Variants in SLC13A1 observed in about 807,000 individuals in gnomAD.
SLC13A1 encodes Na(+)/sulfate cotransporter.
In SLC13A1, 65 loss-of-function variants were observed where a neutral mutation model predicts 70.0. That is an observed-to-expected ratio of 0.93 (90% CI 0.76 to 1.14). The LOEUF is 1.14. Ranked by LOEUF, SLC13A1 falls within the 50% of genes most tolerant of loss-of-function variation. SLC13A1 has a pLI of 0.00. For synonymous variants in SLC13A1, 275 were observed against 250.5 expected (o/e 1.10, Z -0.92); for missense variants, 726 against 717.8 (o/e 1.01, Z -0.13).
At chr7:123,152,092 T>G (rs1163500153) in intron 6 of SLC13A1, among the ~76,000 whole-genome samples, 2 of 152,154 alleles carry the variant, frequency 1.3e-5, no homozygotes, top group African/African-American at 4.8e-5. Flanking sequence ...ATCTTTTGTC[T>G]TCTTGTGTTT....
chr7:123,191,632 CT>C (rs1795999591), intron 1 of SLC13A1, among the ~76,000 whole-genome samples: 1 of 152,116 alleles, frequency 6.6e-6, no homozygotes, highest in Admixed American at 6.6e-5. Context: ...TGTTTTCTGA[CT>C]TACTATAGGA....
intron 1 of SLC13A1, among the ~76,000 whole-genome samples, chr7:123,196,647 C>G (rs181471315): frequency 6.6e-6 from 1 of 152,094 alleles, no homozygotes; most frequent in Non-Finnish European, 1.5e-5. Context: ...CTTCAGTTCT[C>G]ATAAGCCTAT....
chr7:123,144,467 A>C lies in SLC13A1; in HGVS notation c.812+2692T>G, dbSNP rs896555330. Among the ~76,000 whole-genome samples the C allele has an allele frequency of 2.6e-5, 4 of 152,162 alleles. No homozygotes were observed. The South Asian group carries it at 8.3e-4, about 32-fold the overall frequency. On this transcript the variant is annotated intron_variant, in intron 7 of 14. Coordinates refer to ENST00000194130, the MANE Select transcript of SLC13A1 (RefSeq NM_022444.4). ...TTAAATTTTTATTTTACACAGGAAT[A>C]AACTGAGTCTTAGGGGGCTAAGTGG...
rs1005157116 is a variant in SLC13A1 at position 123,154,687 on chromosome 7, T to C, written c.661-7377A>G. Among the ~76,000 whole-genome samples the C allele has an allele frequency of 1.1e-4, 17 of 152,260 alleles. No individual in the cohort carries two copies. In the Middle Eastern group the frequency reaches 0.014, roughly 122 times the overall value. On this transcript the variant is annotated intron_variant, in intron 6 of 14. Transcript: ENST00000194130. ...TTACTTGCTTATTTTTTAAAGTACCTACTACTGAATCAGTCCCAAATATTC... is the reference window on the plus strand; with the variant it reads ...TTACTTGCTTATTTTTTAAAGTACCCACTACTGAATCAGTCCCAAATATTC...
intron 6 of SLC13A1, among the ~76,000 whole-genome samples, chr7:123,167,463 G>A (rs892276383): frequency 6.6e-6 from 1 of 151,992 alleles, no homozygotes; most frequent in Non-Finnish European, 1.5e-5. Context: ...TTAACAAGAG[G>A]GTTTTCTTTT....
intron 6 of SLC13A1, among the ~76,000 whole-genome samples, chr7:123,160,059 G>A (rs1003750575): frequency 1.3e-5 from 2 of 151,924 alleles, no homozygotes; most frequent in Admixed American, 6.6e-5. Context: ...CGAGGTGGGC[G>A]AATTATGAGG....
chr7:123,158,657 A>G (rs1263513269), intron 6 of SLC13A1, among the ~76,000 whole-genome samples: 1 of 152,056 alleles, frequency 6.6e-6, no homozygotes, highest in East Asian at 1.9e-4. Flanking sequence ...ACACACACAC[A>G]CATATACACA....
chr7:123,132,934 C>T (rs946049296), intron 8 of SLC13A1, among the ~76,000 whole-genome samples: 8 of 152,112 alleles, frequency 5.3e-5, no homozygotes, highest in Non-Finnish European at 1.5e-5. Flanking sequence ...CTCATTGGTA[C>T]TTATGACCTA....
intron 11 of SLC13A1, among the ~76,000 whole-genome samples, chr7:123,123,712 T>C (rs564702295): frequency 6.6e-6 from 1 of 152,284 alleles, no homozygotes; most frequent in South Asian, 2.1e-4. Flanking sequence ...AGGAGGATCA[T>C]GATAGATTCA....
At chr7:123,128,586 T>C (rs1274901199) in intron 10 of SLC13A1, among the ~76,000 whole-genome samples, 1 of 152,094 alleles carries the variant, frequency 6.6e-6, no homozygotes, top group Non-Finnish European at 1.5e-5. Flanking sequence ...GATGGGAATT[T>C]TGTAGGGATG....
intron 7 of SLC13A1, among the ~76,000 whole-genome samples, chr7:123,135,375 A>G (rs1793917810): frequency 6.6e-6 from 1 of 152,134 alleles, no homozygotes; most frequent in South Asian, 2.1e-4. Flanking sequence ...TTTTATTACT[A>G]TGGAGAAACA....
At chr7:123,115,880 G>C (rs149335189) in intron 14 of SLC13A1, among the ~76,000 whole-genome samples, 13 of 152,066 alleles carry the variant, frequency 8.5e-5, no homozygotes, top group African/African-American at 2.9e-4. Context: ...CCATTAACTC[G>C]TCATTTCTTA....
At chr7:123,134,629 T>C (rs1181828831) in intron 7 of SLC13A1, 100 bp from the exon 8 acceptor site, 1 of 1,185,378 alleles carries the variant, frequency 8.4e-7, no homozygotes, top group Non-Finnish European at 1.2e-6. Flanking sequence ...CCTGTGTTTC[T>C]GTCCAAGAAG....
chr7:123,193,549 A>G (rs1384567100), intron 1 of SLC13A1, among the ~76,000 whole-genome samples: 1 of 152,206 alleles, frequency 6.6e-6, no homozygotes, highest in South Asian at 2.1e-4. Flanking sequence ...TTGCAAATGC[A>G]GGAACAATGA....
intron 8 of SLC13A1, among the ~76,000 whole-genome samples, chr7:123,133,943 T>C (rs1182679876): frequency 6.6e-6 from 1 of 152,142 alleles, no homozygotes; most frequent in East Asian, 1.9e-4. Context: ...GCTCAAGCAA[T>C]CCTTCCACCT....
At chr7:123,140,436 T>C (rs1369697894) in intron 7 of SLC13A1, among the ~76,000 whole-genome samples, 1 of 152,110 alleles carries the variant, frequency 6.6e-6, no homozygotes, top group East Asian at 1.9e-4. Flanking sequence ...ACCAAGGTAA[T>C]ACTGGACTCA....
In SLC13A1 at chr7:123,187,288, A is replaced by G. The variant is rs577623769; in HGVS notation, c.100-6187T>C. On this transcript the variant is annotated intron_variant, in intron 1 of 14. Coordinates refer to ENST00000194130, the MANE Select transcript of SLC13A1 (RefSeq NM_022444.4). ...GACATGAAGTTATTATAGTATGGGCAGTTCCTCGTCCCTTAAATTAAAAAA... is the reference window on the plus strand; with the variant it reads ...GACATGAAGTTATTATAGTATGGGCGGTTCCTCGTCCCTTAAATTAAAAAA... Among the ~76,000 whole-genome samples, 165 of 152,278 alleles carry G rather than the reference A, an allele frequency of 1.1e-3. 2 individuals are homozygous for G. In the South Asian group the frequency reaches 0.034, roughly 31 times the overall value.
chr7:123,172,610 G>A (rs1795312155), intron 2 of SLC13A1, among the ~76,000 whole-genome samples: 1 of 152,174 alleles, frequency 6.6e-6, no homozygotes, highest in Non-Finnish European at 1.5e-5. Flanking sequence ...GACAGAGTGA[G>A]ACTTCATCTT....
intron 6 of SLC13A1, among the ~76,000 whole-genome samples, chr7:123,162,349 A>G (rs912741826): frequency 1.7e-4 from 26 of 152,186 alleles, no homozygotes; most frequent in Admixed American, 7.2e-4. Context: ...CAATGGAGAT[A>G]GCACTTTGAC....
Sources: gnomAD v4.1 joint callset for allele counts (sites outside exome capture counted in the v4.1 genomes callset) on GRCh38, gnomAD v4.1.1 for gene constraint, MANE v1.5 for transcripts, NCBI Gene and HGNC (gene_info 2026-07-23, HGNC 2026-07-21) for gene names.